The following NAV1 variants were observed in gnomAD, a reference collection of about 807,000 sequenced individuals.
NAV1 encodes pore membrane and/or filament interacting like protein 3.
Under a neutral mutation model 175.2 loss-of-function variants are expected in NAV1, and 18 were observed. The ratio of observed to expected loss-of-function variants is 0.10; its 90% CI spans 0.07 to 0.15. The LOEUF (loss-of-function observed/expected upper bound fraction) is 0.15. Ranked by LOEUF, NAV1 falls within the 10% of genes least tolerant of loss-of-function variation. The pLI, the probability that NAV1 is intolerant of heterozygous loss-of-function variation, is 1.00. For synonymous variants in NAV1, 897 were observed against 978.7 expected (o/e 0.92, Z 1.56); for missense variants, 1,731 against 2,436.6 (o/e 0.71, Z 6.10).
intron 14 of NAV1, 86 bp from the exon 19 acceptor site, chr1:201,794,380 A>G: frequency 8.2e-7 from 1 of 1,225,942 alleles, no homozygotes; most frequent in Non-Finnish European, 1.2e-6. Context: ...ACCTCAGGTG[A>G]TCCGCCCACC....
At chr1:201,804,249 G>A (rs571502532) in intron 16 of NAV1, among the ~76,000 whole-genome samples, 5 of 152,086 alleles carry the variant, frequency 3.3e-5, no homozygotes, top group African/African-American at 9.6e-5. Context: ...AACTGACTTC[G>A]TATGACCTTT....
At chr1:201,806,277 G>A (rs917702660) in intron 17 of NAV1, among the ~76,000 whole-genome samples, 5 of 152,028 alleles carry the variant, frequency 3.3e-5, no homozygotes, top group African/African-American at 7.2e-5. Context: ...GAGCCACTGC[G>A]CCCAGCCTAA....
At chr1:201,759,057 C>T (rs1287169487) in intron 3 of NAV1, among the ~76,000 whole-genome samples, 1 of 152,150 alleles carries the variant, frequency 6.6e-6, no homozygotes, top group East Asian at 1.9e-4. Flanking sequence ...AAGTGCTTGG[C>T]ATACATATTT....
chr1:201,731,620 ACCCTCTTCCAGC>A (rs1340662570), intron 3 of NAV1, among the ~76,000 whole-genome samples: 1 of 151,944 alleles, frequency 6.6e-6, no homozygotes, highest in Non-Finnish European at 1.5e-5. Context: ...TTGACTGCTC[ACCCTCTTCCAGC>A]CCCTCTACCC....
At chr1:201,678,578 C>T (rs1670349886) in intron 1 of NAV1, among the ~76,000 whole-genome samples, 1 of 152,174 alleles carries the variant, frequency 6.6e-6, no homozygotes, top group African/African-American at 2.4e-5. Context: ...TTCCTAGTAA[C>T]TTCAGCCCCT....
chr1:201,770,234 G>C lies in NAV1; in HGVS notation c.1227-10187G>C, dbSNP rs541428014. ...TTTCCTGCCCCATGCATTGCCACGTGTCTGCACAGACACAAACAGAGCAGT... is the reference window on the plus strand; with the variant it reads ...TTTCCTGCCCCATGCATTGCCACGTCTCTGCACAGACACAAACAGAGCAGT... On this transcript the variant is annotated intron_variant, in intron 3 of 29. Coordinates refer to ENST00000367296, the Ensembl canonical transcript of NAV1. 4.6e-5 allele frequency among the ~76,000 whole-genome samples: 7 copies of C among 152,332 alleles called. No homozygotes were observed. The Middle Eastern group carries it at 0.01, about 222-fold the overall frequency.
chr1:201,765,381 CTTTTTTTTT>C (rs59583786), intron 3 of NAV1, among the ~76,000 whole-genome samples: 1 of 98,616 alleles, frequency 1.0e-5, no homozygotes, highest in South Asian at 3.5e-4. Context: ...AGGAAATATT[CTTTTTTTTT>C]TTTTTTTTTT....
chr1:201,549,742 G>A (rs1665793246), intron 1 of NAV1, among the ~76,000 whole-genome samples: 2 of 149,658 alleles, frequency 1.3e-5, no homozygotes, highest in Admixed American at 6.6e-5. Context: ...CTGGCTCAGT[G>A]GCTCACACCT....
intron 1 of NAV1, among the ~76,000 whole-genome samples, chr1:201,628,720 C>T (rs1433895400): frequency 6.6e-6 from 1 of 152,172 alleles, no homozygotes; most frequent in East Asian, 1.9e-4. Context: ...ATAATGAAAG[C>T]TCCCACAGCC....
chr1:201,619,334 G>A (rs564504209), upstream of NAV1, among the ~76,000 whole-genome samples: 87 of 151,892 alleles, frequency 5.7e-4, no homozygotes, highest in African/African-American at 2.0e-3. Flanking sequence ...GGGATGCATG[G>A]AGGACAATGT....
chr1:201,691,906 G>A (rs1484116536), intron 1 of NAV1, among the ~76,000 whole-genome samples: 1 of 152,214 alleles, frequency 6.6e-6, no homozygotes, highest in Non-Finnish European at 1.5e-5. Context: ...CTCCCTGACT[G>A]TGGTCTAGAG....
intron 8 of NAV1, 151 bp from the exon 13 acceptor site, chr1:201,786,278 C>T: frequency 1.4e-6 from 1 of 729,964 alleles, no homozygotes; most frequent in Non-Finnish European, 2.2e-6. Context: ...ACCTCTTACT[C>T]CCTCCTTGGG....
chr1:201,649,023 C>T, exon 1 of NAV1: 1 of 1,613,628 alleles, frequency 6.2e-7, no homozygotes, highest in South Asian at 1.1e-5. Context: ...GGCCAAGGCG[C>T]CCAAAGGCTT....
chr1:201,593,609 A>C (rs1667269421), intron 2 of NAV1, among the ~76,000 whole-genome samples: 2 of 152,248 alleles, frequency 1.3e-5, no homozygotes, highest in Admixed American at 1.3e-4. Context: ...TTTTCTCAGG[A>C]GTCCTCTGAG....
chr1:201,779,719 G>A (rs1676198824), intron 3 of NAV1, among the ~76,000 whole-genome samples: 2 of 151,716 alleles, frequency 1.3e-5, no homozygotes, highest in South Asian at 4.2e-4. Flanking sequence ...GGATACAGAT[G>A]TTTACAGATA....
intron 1 of NAV1, among the ~76,000 whole-genome samples, chr1:201,558,382 T>C (rs1666098048): frequency 6.6e-6 from 1 of 152,206 alleles, no homozygotes. Context: ...TCATTCTCTT[T>C]GGGAATTGAA....
chr1:201,645,472 A>G (rs1265252870), upstream of NAV1, among the ~76,000 whole-genome samples: 1 of 151,962 alleles, frequency 6.6e-6, no homozygotes, highest in Non-Finnish European at 1.5e-5. Flanking sequence ...TAATGGGTGC[A>G]GCACACCAAC....
In NAV1 at chr1:201,673,005, A is replaced by G. The variant is rs1351757903; in HGVS notation, c.757+23580A>G. 2.0e-5 allele frequency: 3 copies of G among 152,240 alleles called. 1 individual carries two copies. Among genetic ancestry groups the G allele is most frequent in the South Asian group, 4.1e-4 (2 of 4,834 alleles). The allele number at this position is 152,240 out of a possible 1,614,324, so 9.4% of individuals were successfully genotyped here. A position where few individuals can be genotyped will look rare whatever the true frequency, so the allele number is the denominator to read the frequency against. ...GGCCAATCAGCAAGCAGTACCGAAG[A>G]AAAGCCTGACTCTGGTCTTTACAAA... On this transcript the variant is annotated intron_variant, in intron 1 of 29. Coordinates refer to ENST00000367296, the Ensembl canonical transcript of NAV1.
chr1:201,589,823 G>A (rs1002906784), intron 2 of NAV1, among the ~76,000 whole-genome samples: 12 of 151,664 alleles, frequency 7.9e-5, no homozygotes, highest in African/African-American at 2.9e-4. Flanking sequence ...CACATATTAT[G>A]GGATGACCCC....
Sources: allele counts gnomAD v4.1 joint callset (sites outside exome capture counted in the v4.1 genomes callset), GRCh38; gene constraint gnomAD v4.1.1; transcripts MANE v1.5; gene names NCBI Gene and HGNC (gene_info 2026-07-23, HGNC 2026-07-21).